ADGRF4: variants seen among roughly 807,000 people sequenced by gnomAD.
The protein encoded by ADGRF4 is adhesion G protein-coupled receptor F4, also known as G-protein coupled receptor PGR18.
In ADGRF4, 63 loss-of-function variants were observed where a neutral mutation model predicts 58.5. The observed-to-expected ratio is 1.08, with a 90% CI of 0.88 to 1.33. The LOEUF (loss-of-function observed/expected upper bound fraction) is 1.33, where lower values mean the gene tolerates loss of function less well. Among genes scored for constraint, ADGRF4 ranks in the 40% most tolerant of loss-of-function variants. The probability of loss-of-function intolerance (pLI) is 0.00; values close to 1 mark genes in which losing one functional copy is unlikely to be tolerated. For synonymous variants in ADGRF4, 313 were observed against 295.4 expected, an observed-to-expected ratio of 1.06 and a Z score of -0.61; for missense variants, 931 against 843.9, an observed-to-expected ratio of 1.10 and a Z score of -1.28.
At chr6:47,715,886 A>G (rs1251876090) in intron 6 of ADGRF4, among the ~76,000 whole-genome samples, 1 of 152,220 alleles carries the variant, frequency 6.6e-6, no homozygotes, top group African/African-American at 2.4e-5. Flanking sequence ...ACTCAGATCA[A>G]TTATATATCT....
intron 1 of ADGRF4, among the ~76,000 whole-genome samples, chr6:47,703,928 G>T (rs1255172335): frequency 1.3e-5 from 2 of 152,092 alleles, no homozygotes; most frequent in Admixed American, 1.3e-4. Context: ...CTTCACAAAT[G>T]ACATCACATC....
Position 47,714,929 on chromosome 6 carries a change from T to C in ADGRF4, c.1684T>C (p.Phe562Leu), listed in dbSNP as rs749927995. Reference protein sequence around the residue: ...NWDNTKALLAFAIPAFVIVAV... With the variant: ...NWDNTKALLALAIPAFVIVAV... ...GGACAATACCAAAGCCCTTTTAGCATTTGCCATCCCGGCGTTCGTCATTGT... is the reference window on the plus strand; with the variant it reads ...GGACAATACCAAAGCCCTTTTAGCACTTGCCATCCCGGCGTTCGTCATTGT... The change falls in exon 6 of 10, where the codon TTT becomes CTT. Residue 562 changes from phenylalanine (F) to leucine (L), a missense_variant. Phe to Leu is a conservative substitution (Grantham distance 22, BLOSUM62 0). Transcript: ENST00000283303. The C allele has an allele frequency of 1.3e-5, 21 of 1,613,548 alleles. No individual in the cohort carries two copies. The South Asian group carries it at 2.1e-4, about 16-fold the overall frequency.
chr6:47,710,627 T>A lies in ADGRF4; in HGVS notation c.149-108T>A, dbSNP rs889940692. On this transcript the variant is annotated intron_variant, in intron 3 of 9. Coordinates refer to ENST00000283303, the MANE Select transcript of ADGRF4 (RefSeq NM_153838.5). ...GACCCAGTTCAACCCAATTGCCTCC[T>A]CCAGGAAGCAATCCAAAAATCTCCA... The A allele has an allele frequency of 3.4e-6, 4 of 1,171,732 alleles. No homozygotes were observed. In the African/African-American group the frequency reaches 4.7e-5, roughly 14 times the overall value. 72.6% of individuals were successfully genotyped at this position (1,171,732 alleles called of 1,614,324 possible).
intron 6 of ADGRF4, among the ~76,000 whole-genome samples, chr6:47,716,380 T>C (rs1371089604): frequency 6.6e-6 from 1 of 152,194 alleles, no homozygotes; most frequent in African/African-American, 2.4e-5. Context: ...TTTACTGACT[T>C]TTAACTCCAA....
chr6:47,699,415 C>G (rs1771533983), intron 1 of ADGRF4, among the ~76,000 whole-genome samples: 1 of 152,184 alleles, frequency 6.6e-6, no homozygotes, highest in African/African-American at 2.4e-5. Flanking sequence ...ACATCATGAG[C>G]TTTCTTCATG....
intron 1 of ADGRF4, among the ~76,000 whole-genome samples, chr6:47,703,440 T>G (rs915558376): frequency 2.6e-5 from 4 of 152,172 alleles, no homozygotes; most frequent in Non-Finnish European, 5.9e-5. Context: ...CCAACCAAAT[T>G]AGGGCTAACC....
intron 1 of ADGRF4, among the ~76,000 whole-genome samples, chr6:47,701,750 A>T (rs7773311): frequency 0.26 from 39,423 of 152,170 alleles, 5,736 homozygotes; most frequent in East Asian, 0.56. Flanking sequence ...GTCTGGATAG[A>T]TTAATGTGTT....
At chr6:47,718,778 G>T (rs1772092183) in intron 9 of ADGRF4, among the ~76,000 whole-genome samples, 1 of 152,116 alleles carries the variant, frequency 6.6e-6, no homozygotes, top group Admixed American at 6.5e-5. Context: ...TGATTGATTG[G>T]AATTACAAAG....
intron 8 of ADGRF4, 43 bp downstream of exon 8, chr6:47,717,394 C>T (rs375789816): frequency 6.0e-6 from 8 of 1,331,406 alleles, no homozygotes; most frequent in Non-Finnish European, 8.7e-6. Context: ...GAGTCCGTGT[C>T]CTTGCCGGTT....
chr6:47,713,887 G>C lies in ADGRF4; in HGVS notation c.642G>C (p.Leu214Phe). The change falls in exon 6 of 10, where the codon TTG becomes TTC. Residue 214 changes from leucine to phenylalanine, a missense_variant. Leu to Phe is a conservative substitution (Grantham distance 22). Transcript: ENST00000283303. ...FIPNKNASSD[L>F]LQSVNLFARQ... ...CCAACAAAAATGCCAGCTCGGATTT[G>C]TTGCAGTCAGTGAATTTGTTTGCCA... The C allele has an allele frequency of 6.8e-6, 11 of 1,608,886 alleles. No individual in the cohort carries two copies. The highest frequency in any genetic ancestry group is 9.3e-6 in the Non-Finnish European group (11 of 1,177,962).
chr6:47,704,985 G>C (rs1301710202), intron 1 of ADGRF4, among the ~76,000 whole-genome samples: 1 of 152,114 alleles, frequency 6.6e-6, no homozygotes, highest in African/African-American at 2.4e-5. Context: ...CTGGAGTGCA[G>C]TGGTGCGATC....
At chr6:47,718,666 C>G (rs547917356) in intron 9 of ADGRF4, among the ~76,000 whole-genome samples, 1 of 152,094 alleles carries the variant, frequency 6.6e-6, no homozygotes, top group Non-Finnish European at 1.5e-5. Context: ...CTTACATGAC[C>G]AAACCCATCA....
intron 1 of ADGRF4, among the ~76,000 whole-genome samples, chr6:47,703,618 A>G (rs1771639465): frequency 6.6e-6 from 1 of 152,238 alleles, no homozygotes; most frequent in South Asian, 2.1e-4. Context: ...TACATATGCC[A>G]GACTATAGAA....
Position 47,707,406 on chromosome 6 carries a change from T to C in ADGRF4, c.93+68T>C, listed in dbSNP as rs531982402. 6.8e-6 allele frequency: 6 copies of C among 883,266 alleles called. 1 individual carries two copies. The Admixed American group carries it at 8.6e-5, about 13-fold the overall frequency. 54.7% of individuals were successfully genotyped at this position (883,266 alleles called of 1,614,324 possible). ...CAGTTGCCCTCAATGGCAAGACTTC[T>C]GATAAATAAGATGTCATTTTAAATA... On this transcript the variant is annotated intron_variant, in intron 2 of 9. Coordinates refer to ENST00000283303, the MANE Select transcript of ADGRF4 (RefSeq NM_153838.5).
chr6:47,713,445 G>A (rs1434718263), intron 5 of ADGRF4, among the ~76,000 whole-genome samples: 1 of 152,168 alleles, frequency 6.6e-6, no homozygotes, highest in Non-Finnish European at 1.5e-5. Context: ...GGGACAGGGT[G>A]TGCAGTCTTT....
Position 47,712,539 on chromosome 6 carries a change from A to G in ADGRF4, c.483A>G (p.Ala161=), listed in dbSNP as rs1054777928. 43 of 1,608,210 alleles carry G rather than the reference A, an allele frequency of 2.7e-5. No homozygotes were observed. The highest frequency in any genetic ancestry group is 3.6e-5 in the Non-Finnish European group (42 of 1,174,666). The part of the protein sequence containing the change: ...KSSETTSGNI[A]FIVELLKNIS... The stretch of plus-strand genomic sequence containing the variant: ...CAGAAACAACATCTGGAAATATTGC[A>G]TTTATAGTGGAGTTATTAAAAAATA... Residue 161 remains alanine, a synonymous_variant, in exon 5 of 10, where the codon GCA becomes GCG. Coordinates refer to ENST00000283303, the MANE Select transcript of ADGRF4 (RefSeq NM_153838.5).
chr6:47,700,847 C>A (rs1273034911), intron 1 of ADGRF4, among the ~76,000 whole-genome samples: 1 of 152,206 alleles, frequency 6.6e-6, no homozygotes, highest in Non-Finnish European at 1.5e-5. Flanking sequence ...TTTCCCAATT[C>A]ATTCACTTAT....
chr6:47,713,546 C>T (rs569986852), intron 5 of ADGRF4, among the ~76,000 whole-genome samples: 1 of 152,108 alleles, frequency 6.6e-6, no homozygotes, highest in Admixed American at 6.5e-5. Flanking sequence ...CTACACACTG[C>T]AGTCTGGAAA....
chr6:47,700,938 A>ATTCTGACTAATGACAACCTGACTTTTT (rs1554134083), intron 1 of ADGRF4, among the ~76,000 whole-genome samples: 303 of 151,508 alleles, frequency 2.0e-3, no homozygotes, highest in South Asian at 0.012. Flanking sequence ...AGGTGTTTAC[A>ATTCTGACTAATGACAACCTGACTTTTT]TTTTTTTGCC....
Sources: allele counts gnomAD v4.1 joint callset (sites outside exome capture counted in the v4.1 genomes callset), GRCh38; gene constraint gnomAD v4.1.1; transcripts MANE v1.5; gene names NCBI Gene and HGNC (gene_info 2026-07-23, HGNC 2026-07-21).